THRA: variants seen among roughly 807,000 people sequenced by gnomAD.
THRA encodes thyroid hormone receptor alpha.
THRA carries 13 observed loss-of-function variants against 45.0 expected under a neutral mutation model. The observed-to-expected ratio is 0.29, with a 90% CI of 0.19 to 0.46. THRA has a LOEUF of 0.46. THRA is among the 20% of genes least tolerant of loss of function. THRA has a pLI of 1.00. For synonymous variants in THRA, 195 were observed against 214.0 expected (o/e 0.91, Z 0.78); for missense variants, 278 against 556.1 (o/e 0.50, Z 5.03).
chr17:40,093,333 A>G, downstream of THRA: 1 of 1,613,090 alleles, frequency 6.2e-7, no homozygotes, highest in Non-Finnish European at 8.5e-7. The surrounding 1 kb of genome is among the most constrained non-coding windows in gnomAD (Gnocchi z 5.9). Context: ...TCCTCTGAGG[A>G]GGAACCGGAG....
At chr17:40,088,041 G>A (rs943638445) in intron 7 of THRA, among the ~76,000 whole-genome samples, 4 of 152,166 alleles carry the variant, frequency 2.6e-5, no homozygotes, top group African/African-American at 7.2e-5. Flanking sequence ...CATTATAGTC[G>A]TGAGCCACTG....
rs1233709360 is a variant in THRA, at chr17:40,092,331, G to A, written c.*2875G>A. On this transcript the variant is annotated 3_prime_UTR_variant, in exon 9 of 9. Transcript: ENST00000450525. ...GGAACTCCTGGGCGGGGGGGAGGGGGACACTGCCCAGAGGCGCTACTGAAT... is the reference window on the plus strand; with the variant it reads ...GGAACTCCTGGGCGGGGGGGAGGGGAACACTGCCCAGAGGCGCTACTGAAT... The A allele has an allele frequency of 2.0e-5, 3 of 147,834 alleles. No homozygotes were observed. The highest frequency in any genetic ancestry group is 3.5e-3 in the Middle Eastern group (1 of 288). 9.2% of individuals were successfully genotyped at this position (147,834 alleles called of 1,614,324 possible). A position where few individuals can be genotyped will look rare whatever the true frequency, so the allele number is the denominator to read the frequency against.
intron 2 of THRA, among the ~76,000 whole-genome samples, chr17:40,076,543 G>A (rs905824539): frequency 2.6e-5 from 4 of 152,186 alleles, no homozygotes; most frequent in Non-Finnish European, 4.4e-5. Context: ...AGCATATCCT[G>A]AGAATTCTTC....
chr17:40,067,388 G>A (rs2145042102), intron 1 of THRA, among the ~76,000 whole-genome samples: 1 of 152,320 alleles, frequency 6.6e-6, no homozygotes, highest in South Asian at 2.1e-4. Flanking sequence ...AGAGGAGGCA[G>A]TGCCCTTCCT....
At chr17:40,075,756 C>T (rs970212223) in intron 2 of THRA, among the ~76,000 whole-genome samples, 2 of 152,210 alleles carry the variant, frequency 1.3e-5, no homozygotes, top group Admixed American at 6.5e-5. Context: ...CTGCTGAAGC[C>T]GCTAGCTCAA....
At chr17:40,078,513 T>C (rs927722563) in intron 4 of THRA, among the ~76,000 whole-genome samples, 2 of 152,082 alleles carry the variant, frequency 1.3e-5, no homozygotes, top group African/African-American at 4.8e-5. Flanking sequence ...TAAAAAATAG[T>C]GCCATGTGCA....
intron 1 of THRA, among the ~76,000 whole-genome samples, chr17:40,066,663 C>CAAAAA (rs553082902): frequency 4.0e-5 from 2 of 49,532 alleles, no homozygotes; most frequent in South Asian, 8.0e-4. Context: ...GACTCCGTCT[C>CAAAAA]AAAAAAAAAA....
intron 1 of THRA, among the ~76,000 whole-genome samples, chr17:40,070,789 T>C (rs1567648587): frequency 6.6e-6 from 1 of 151,694 alleles, no homozygotes; most frequent in Non-Finnish European, 1.5e-5. Flanking sequence ...AAGAACCAGC[T>C]GTCACCGTGG....
intron 2 of THRA, among the ~76,000 whole-genome samples, chr17:40,074,973 A>G (rs1254395855): frequency 6.6e-6 from 1 of 152,264 alleles, no homozygotes; most frequent in South Asian, 2.1e-4. Context: ...TTCAGGGCAC[A>G]TGCACCAGTA....
At chr17:40,074,889 TTCC>T (rs1337987529) in intron 2 of THRA, among the ~76,000 whole-genome samples, 1 of 152,228 alleles carries the variant, frequency 6.6e-6, no homozygotes, top group African/African-American at 2.4e-5. Context: ...TGCCATTTTC[TTCC>T]TCTCCCTACC....
downstream of THRA, chr17:40,093,310 G>A (rs200792831): frequency 4.1e-5 from 66 of 1,613,274 alleles, no homozygotes; most frequent in African/African-American, 1.2e-4. The surrounding 1 kb of genome is among the most constrained non-coding windows in gnomAD (Gnocchi z 5.9). Flanking sequence ...GCAGTGAGGC[G>A]GACTCCCCGA....
At chr17:40,076,445 G>A (rs1378439085) in intron 2 of THRA, among the ~76,000 whole-genome samples, 2 of 152,248 alleles carry the variant, frequency 1.3e-5, no homozygotes, top group South Asian at 2.1e-4. Context: ...ACCATCCATG[G>A]GTTTATAGTG....
chr17:40,068,015 CCA>C (rs1567647609), intron 1 of THRA, among the ~76,000 whole-genome samples: 12 of 152,252 alleles, frequency 7.9e-5, no homozygotes, highest in Middle Eastern at 3.4e-3. Flanking sequence ...GTGAGACCCC[CCA>C]CACACACATC....
intron 1 of THRA, among the ~76,000 whole-genome samples, chr17:40,065,790 A>G (rs992518344): frequency 6.6e-6 from 1 of 150,950 alleles, no homozygotes; most frequent in Non-Finnish European, 1.5e-5. Flanking sequence ...GGGGTCAGCC[A>G]CTGCCCATGC....
At chr17:40,084,304 G>A (rs1164723397) in intron 5 of THRA, 1 of 502,730 alleles carries the variant, frequency 2.0e-6, no homozygotes, top group Non-Finnish European at 3.6e-6. Flanking sequence ...ACTTCTAGAT[G>A]AGACAGGGCA....
intron 4 of THRA, among the ~76,000 whole-genome samples, chr17:40,079,716 T>A (rs1598393891): frequency 1.3e-5 from 2 of 152,306 alleles, no homozygotes; most frequent in East Asian, 3.9e-4. Flanking sequence ...CATTTAATTC[T>A]CCCAACAGTG....
chr17:40,084,425 A>G (rs980656717), intron 5 of THRA, 185 bp from the exon 6 acceptor site: 120 of 641,842 alleles, frequency 1.9e-4, no homozygotes, highest in South Asian at 1.3e-3. Context: ...TGTTGTTGAC[A>G]TGGTCCCGGG....
chr17:40,078,969 A>G (rs1335147863), intron 4 of THRA, among the ~76,000 whole-genome samples: 1 of 151,952 alleles, frequency 6.6e-6, no homozygotes, highest in African/African-American at 2.4e-5. Flanking sequence ...TGACCTCGTG[A>G]TCCGCCCGCC....
At chr17:40,065,639 C>A (rs963633573) in intron 1 of THRA, among the ~76,000 whole-genome samples, 1 of 152,180 alleles carries the variant, frequency 6.6e-6, no homozygotes, top group African/African-American at 2.4e-5. Context: ...CCCTCTGCCC[C>A]CCCTGCGCAG....
Sources: allele counts gnomAD v4.1 joint callset (sites outside exome capture counted in the v4.1 genomes callset), GRCh38; gene constraint gnomAD v4.1.1; non-coding constraint Gnocchi (gnomAD v3.1); transcripts MANE v1.5; gene names NCBI Gene and HGNC (gene_info 2026-07-23, HGNC 2026-07-21).